The following LDB2 variants were observed in gnomAD, a reference collection of about 807,000 sequenced individuals.
The protein encoded by LDB2 is LIM domain-binding protein 2.
In LDB2, 12 loss-of-function variants were observed where a neutral mutation model predicts 44.3. That is an observed-to-expected ratio of 0.27 (90% CI 0.17 to 0.44). The LOEUF is 0.44. LDB2 is among the 20% of genes least tolerant of loss of function. LDB2 has a pLI of 1.00. For synonymous variants in LDB2, 164 were observed against 174.8 expected (o/e 0.94, Z 0.49); for missense variants, 344 against 473.5 (o/e 0.73, Z 2.54).
intron 2 of LDB2, among the ~76,000 whole-genome samples, chr4:16,694,837 G>T (rs1274968561): frequency 6.6e-6 from 1 of 152,184 alleles, no homozygotes; most frequent in Non-Finnish European, 1.5e-5. Context: ...GTAAACACAG[G>T]ACAGTGCCAG....
chr4:16,889,562 TCTC>T (rs1226122940), intron 1 of LDB2, among the ~76,000 whole-genome samples: 3 of 152,202 alleles, frequency 2.0e-5, no homozygotes, highest in African/African-American at 7.2e-5. Flanking sequence ...CACAGATTCT[TCTC>T]CTACTGGAAC....
chr4:16,686,582 A>T (rs1363970285), intron 2 of LDB2, among the ~76,000 whole-genome samples: 6 of 152,208 alleles, frequency 3.9e-5, no homozygotes, highest in Non-Finnish European at 1.5e-5. Context: ...CAAACCTAAA[A>T]ATCAGAGACT....
intron 1 of LDB2, among the ~76,000 whole-genome samples, chr4:16,773,998 C>CAAAAACAAAAA (rs1554013592): frequency 7.8e-6 from 1 of 128,374 alleles, no homozygotes; most frequent in African/African-American, 3.0e-5. Context: ...ACTAAAAATA[C>CAAAAACAAAAA]AAAAAAAATA....
intron 1 of LDB2, among the ~76,000 whole-genome samples, chr4:16,843,833 G>C (rs1478362917): frequency 6.6e-6 from 1 of 152,016 alleles, no homozygotes; most frequent in Admixed American, 6.6e-5. Context: ...ATGTTGGCCA[G>C]CCTCGAACTC....
At chr4:16,750,209 G>T (rs573156819) in intron 2 of LDB2, among the ~76,000 whole-genome samples, 1 of 152,112 alleles carries the variant, frequency 6.6e-6, no homozygotes, top group African/African-American at 2.4e-5. Flanking sequence ...TCATTATGCT[G>T]TACATTAGGT....
intron 1 of LDB2, among the ~76,000 whole-genome samples, chr4:16,768,801 C>A (rs1769943603): frequency 6.6e-6 from 1 of 152,168 alleles, no homozygotes; most frequent in South Asian, 2.1e-4. Context: ...GAACTCATTG[C>A]ACATTATAAA....
At chr4:16,694,651 G>T (rs1232651673) in intron 2 of LDB2, among the ~76,000 whole-genome samples, 1 of 152,174 alleles carries the variant, frequency 6.6e-6, no homozygotes, top group Non-Finnish European at 1.5e-5. Flanking sequence ...GATGGGGTGT[G>T]TGCGGGCTCT....
intron 2 of LDB2, among the ~76,000 whole-genome samples, chr4:16,612,513 A>C (rs974945988): frequency 7.2e-5 from 11 of 152,214 alleles, no homozygotes; most frequent in African/African-American, 2.4e-4. Flanking sequence ...GACACGGTAA[A>C]AAAAGATAAA....
At chr4:16,770,111 C>T (rs1171187688) in intron 1 of LDB2, among the ~76,000 whole-genome samples, 1 of 152,102 alleles carries the variant, frequency 6.6e-6, no homozygotes, top group African/African-American at 2.4e-5. Flanking sequence ...TATGTGCCAA[C>T]AATTGAGCTT....
intron 1 of LDB2, among the ~76,000 whole-genome samples, chr4:16,815,959 G>C (rs1409989318): frequency 6.6e-6 from 1 of 152,152 alleles, no homozygotes; most frequent in African/African-American, 2.4e-5. Flanking sequence ...TATAATCCCA[G>C]CACTTTGGGA....
chr4:16,812,436 A>T (rs1780051902), intron 1 of LDB2, among the ~76,000 whole-genome samples: 1 of 151,932 alleles, frequency 6.6e-6, no homozygotes, highest in Admixed American at 6.6e-5. Flanking sequence ...GTTCCCCTAA[A>T]TTCAAATCTG....
rs751615141 is a variant in LDB2, at chr4:16,759,248, G to A, written c.145C>T (p.Leu49Phe). 6.2e-7 allele frequency: 1 copy of A among 1,609,750 alleles called. No homozygotes were observed. The highest frequency in any genetic ancestry group is 1.1e-5 in the South Asian group (1 of 90,992). ...TCAGTGGCAAAGGCGTCCCACCAGAGGTTGTCACTATCCTGCAAAGAGACA... is the reference window on the plus strand; with the variant it reads ...TCAGTGGCAAAGGCGTCCCACCAGAAGTTGTCACTATCCTGCAAAGAGACA... ...LQSRTEDSDN[L>F]WWDAFATEFF... Residue 49 changes from leucine to phenylalanine, a missense_variant, in exon 2 of 8, where the codon CTC becomes TTC. By Grantham distance (22) the Leu-to-Phe change is conservative. This residue lies in a region of LDB2 where 226 missense variants were observed against 270.1 expected (regional missense o/e 0.84). Coordinates refer to ENST00000304523, the MANE Select transcript of LDB2 (RefSeq NM_001290.5).
intron 6 of LDB2, 99 bp downstream of exon 6, chr4:16,511,882 G>A (rs1273011898): frequency 2.9e-6 from 4 of 1,363,702 alleles, no homozygotes; most frequent in Non-Finnish European, 4.0e-6. Context: ...TACTTGTCCT[G>A]ATAAATTAAT....
intron 2 of LDB2, among the ~76,000 whole-genome samples, chr4:16,612,767 G>A (rs540413309): frequency 5.2e-4 from 79 of 152,188 alleles, no homozygotes; most frequent in African/African-American, 1.8e-3. Flanking sequence ...GAATTGTACC[G>A]GAAATACAAA....
At chr4:16,586,977 A>G (rs1408127169) in intron 4 of LDB2, among the ~76,000 whole-genome samples, 2 of 152,198 alleles carry the variant, frequency 1.3e-5, no homozygotes, top group African/African-American at 2.4e-5. Context: ...TTGGATTTGT[A>G]TATATAAATA....
intron 2 of LDB2, among the ~76,000 whole-genome samples, chr4:16,716,317 G>A (rs1039072138): frequency 1.4e-4 from 21 of 152,226 alleles, no homozygotes; most frequent in Admixed American, 1.3e-3. Flanking sequence ...ATTATACAGT[G>A]AGCAAAGGTC....
At chr4:16,752,505 A>C (rs758412275) in intron 2 of LDB2, 1 of 430,748 alleles carries the variant, frequency 2.3e-6, no homozygotes, top group South Asian at 1.7e-5. Flanking sequence ...CCAAAACCAG[A>C]GTTCTTCCCA....
At chr4:16,643,267 C>G (rs1057153866) in intron 2 of LDB2, among the ~76,000 whole-genome samples, 1 of 152,126 alleles carries the variant, frequency 6.6e-6, no homozygotes, top group Non-Finnish European at 1.5e-5. Context: ...CATGACATAC[C>G]TACGTTCAAA....
intron 7 of LDB2, chr4:16,506,260 T>C (rs1436844890): frequency 6.0e-6 from 2 of 331,372 alleles, no homozygotes; most frequent in Non-Finnish European, 1.1e-5. Context: ...ATTTGTACAT[T>C]TTCCTAATCT....
Sources: gnomAD v4.1 joint callset for allele counts (sites outside exome capture counted in the v4.1 genomes callset) on GRCh38, gnomAD v4.1.1 for gene constraint, gnomAD v4.1.1 regional missense constraint, MANE v1.5 for transcripts, NCBI Gene and HGNC (gene_info 2026-07-23, HGNC 2026-07-21) for gene names.